The following MACF1 variants were observed in gnomAD, a reference collection of about 807,000 sequenced individuals.
MACF1 encodes the protein microtubule actin crosslinking factor 1.
MACF1 carries 193 observed loss-of-function variants against 854.8 expected under a neutral mutation model. The observed-to-expected ratio is 0.23, with a 90% CI of 0.20 to 0.25. MACF1 has a LOEUF of 0.25. MACF1 is among the 10% of genes least tolerant of loss of function. MACF1 has a pLI of 1.00. For missense variants in MACF1, 7,722 were observed against 8,929.1 expected (o/e 0.86, Z 5.45); for synonymous variants, 3,185 against 3,226.7 (o/e 0.99, Z 0.44).
chr1:39,250,424 T>G (rs114827800), intron 3 of MACF1, among the ~76,000 whole-genome samples: 3,068 of 152,298 alleles, frequency 0.02, 112 homozygotes, highest in African/African-American at 0.071. Flanking sequence ...GATTCATGTT[T>G]AAAGGTTTTT....
intron 40 of MACF1, among the ~76,000 whole-genome samples, 165 bp downstream of exon 40, chr1:39,341,118 C>A (rs1230453360): frequency 6.6e-6 from 1 of 151,416 alleles, no homozygotes; most frequent in Non-Finnish European, 1.5e-5. Context: ...ACTGCAACCT[C>A]CGCCTCCTGG....
chr1:39,370,932 A>G (rs1194498408), intron 51 of MACF1, among the ~76,000 whole-genome samples: 1 of 152,154 alleles, frequency 6.6e-6, no homozygotes, highest in Non-Finnish European at 1.5e-5. Flanking sequence ...AGTTGTTCAT[A>G]TGGTGTTCAA....
intron 20 of MACF1, among the ~76,000 whole-genome samples, chr1:39,296,688 C>T (rs1324357121): frequency 3.4e-5 from 5 of 148,686 alleles, no homozygotes; most frequent in African/African-American, 1.3e-4. Context: ...CAAGATCACA[C>T]CACTGCACTC....
intron 2 of MACF1, among the ~76,000 whole-genome samples, chr1:39,123,202 AATTTTT>A (rs1269915641): frequency 5.2e-5 from 5 of 96,724 alleles, no homozygotes; most frequent in South Asian, 4.5e-4. Flanking sequence ...TATATATATA[AATTTTT>A]TTTTTTTTTT....
intron 6 of MACF1, 97 bp downstream of exon 6, chr1:39,258,125 T>G (rs1645117208): frequency 2.1e-6 from 2 of 962,670 alleles, no homozygotes; most frequent in South Asian, 1.4e-5. Flanking sequence ...CTTCCTTCTC[T>G]CTATTTGTCA....
chr1:39,232,299 G>A (rs558738160), intron 2 of MACF1, among the ~76,000 whole-genome samples: 3 of 152,134 alleles, frequency 2.0e-5, no homozygotes, highest in East Asian at 3.9e-4. Context: ...GAAAGGGAAA[G>A]GTCACCAGTG....
intron 56 of MACF1, among the ~76,000 whole-genome samples, chr1:39,384,074 C>T (rs1426293614): frequency 6.6e-6 from 1 of 152,000 alleles, no homozygotes; most frequent in Non-Finnish European, 1.5e-5. Context: ...GTTTTGATCT[C>T]TGTATGTCTG....
At chr1:39,421,929 G>T (rs1037084375) in intron 58 of MACF1, among the ~76,000 whole-genome samples, 4 of 152,068 alleles carry the variant, frequency 2.6e-5, no homozygotes, top group African/African-American at 9.7e-5. Flanking sequence ...AAAAAAATTA[G>T]CTGGGCATGG....
At chr1:39,121,324 T>C (rs998718163) in intron 2 of MACF1, among the ~76,000 whole-genome samples, 1 of 152,218 alleles carries the variant, frequency 6.6e-6, no homozygotes, top group African/African-American at 2.4e-5. Context: ...TGTGATTTGG[T>C]ACTAATGTGT....
At chr1:39,466,775 G>A (rs926605006) in intron 95 of MACF1, among the ~76,000 whole-genome samples, 1 of 152,206 alleles carries the variant, frequency 6.6e-6, no homozygotes, top group Non-Finnish European at 1.5e-5. Context: ...GTTCAGTGCT[G>A]CTGCTACCAC....
At chr1:39,087,635 T>C (rs554684459) in intron 2 of MACF1, among the ~76,000 whole-genome samples, 2 of 152,308 alleles carry the variant, frequency 1.3e-5, no homozygotes, top group East Asian at 3.9e-4. Context: ...TTTATCAGCT[T>C]TATGGTTTAC....
intron 58 of MACF1, among the ~76,000 whole-genome samples, chr1:39,403,469 C>T (rs976962461): frequency 5.9e-5 from 9 of 152,080 alleles, no homozygotes; most frequent in Non-Finnish European, 1.0e-4. Flanking sequence ...TCACATGGGT[C>T]GTTTTTTAGT....
At chr1:39,449,945 CA>C (rs1383511934) in intron 84 of MACF1, among the ~76,000 whole-genome samples, 1 of 152,056 alleles carries the variant, frequency 6.6e-6, no homozygotes, top group Non-Finnish European at 1.5e-5. Context: ...CTGCAACCTC[CA>C]TCTCCCCGGT....
In MACF1 at chr1:39,387,636, A is replaced by G; in HGVS notation, c.14794A>G (p.Thr4932Ala). ...CKAKMSELRV[T>A]LDPVQLESSL... ...AGCTAAGATGTCTGAGTTGCGAGTC[A>G]CTCTGGATCCAGTGCAGCTAGAGTC... The change falls in exon 58 of 101, where the codon ACT becomes GCT. Residue 4932 changes from threonine to alanine, a missense_variant. Thr to Ala is a moderately conservative substitution (Grantham distance 58, BLOSUM62 0). This residue lies in a region of MACF1 where 2,807 missense variants were observed against 3,235.8 expected (regional missense o/e 0.87). Transcript: ENST00000564288. The G allele has an allele frequency of 6.2e-7, 1 of 1,614,216 alleles. No individual in the cohort carries two copies. Among genetic ancestry groups the G allele is most frequent in the Non-Finnish European group, 8.5e-7 (1 of 1,180,040 alleles).
rs1372937708 is a variant in MACF1, at chr1:39,092,575, C to CA, written c.220+8138dup. Among the ~76,000 whole-genome samples, 15 of 152,296 alleles carry CA rather than the reference C, an allele frequency of 9.8e-5. 1 individual carries two copies. Among genetic ancestry groups the CA allele is most frequent in the Admixed American group, 7.8e-4 (12 of 15,294 alleles). On this transcript the variant is annotated intron_variant, in intron 2 of 93. Transcript: ENST00000361689. The stretch of plus-strand genomic sequence containing the variant: ...CTCAACATGTACAATATGCCCTTTG[C>CA]AGTTATTCAAGTGCTGAGTTTCTGG...
intron 44 of MACF1, among the ~76,000 whole-genome samples, chr1:39,354,959 G>A (rs1320668165): frequency 6.6e-6 from 1 of 152,014 alleles, no homozygotes; most frequent in African/African-American, 2.4e-5. Context: ...CATCTTCAAG[G>A]GCATCAACTG....
At chr1:39,182,313 T>C (rs181301734) in intron 2 of MACF1, among the ~76,000 whole-genome samples, 35 of 152,170 alleles carry the variant, frequency 2.3e-4, no homozygotes, top group Non-Finnish European at 4.4e-5. Context: ...TGGTTTCTTG[T>C]AGCTAACACT....
At chr1:39,445,213 G>T (rs771942022) in intron 80 of MACF1, among the ~76,000 whole-genome samples, 2 of 152,158 alleles carry the variant, frequency 1.3e-5, no homozygotes, top group Non-Finnish European at 2.9e-5. Context: ...GGTTCCTAAC[G>T]TAAATGTAGT....
rs745613342 is a variant in MACF1 at position 39,282,398 on chromosome 1, C to T, written c.695+24C>T. On this transcript the variant is annotated intron_variant, in intron 7 of 100. Coordinates refer to ENST00000564288, the MANE Select transcript of MACF1 (RefSeq NM_001394062.1). ...CGGTAAGAACAGTGGAATTTCTGTGCTCCTGCAGGGCTTTTTCTCATCTCT... is the reference window on the plus strand; with the variant it reads ...CGGTAAGAACAGTGGAATTTCTGTGTTCCTGCAGGGCTTTTTCTCATCTCT... 8 of 1,601,102 alleles carry T rather than the reference C, an allele frequency of 5.0e-6. No homozygotes were observed. In the South Asian group the frequency reaches 7.8e-5, roughly 16 times the overall value.
Sources: gnomAD v4.1 joint callset for allele counts (sites outside exome capture counted in the v4.1 genomes callset) on GRCh38, gnomAD v4.1.1 for gene constraint, gnomAD v4.1.1 regional missense constraint, MANE v1.5 for transcripts, NCBI Gene and HGNC (gene_info 2026-07-23, HGNC 2026-07-21) for gene names.